AGAP5: variants seen among roughly 807,000 people sequenced by gnomAD.
AGAP5 encodes the protein ArfGAP with GTPase domain, ankyrin repeat and PH domain 5.
A neutral mutation model predicts 27.7 loss-of-function variants in AGAP5; 8 were observed. The observed-to-expected ratio is 0.29, with a 90% CI of 0.17 to 0.52. AGAP5 has a LOEUF of 0.52. Among genes scored for constraint, AGAP5 ranks in the 20% least tolerant of loss-of-function variants. The pLI, the probability that AGAP5 is intolerant of heterozygous loss-of-function variation, is 0.97. For missense variants in AGAP5, 285 were observed against 880.8 expected (o/e 0.32, Z 8.56); for synonymous variants, 111 against 338.0 (o/e 0.33, Z 7.37).
In AGAP5 at chr10:73,697,818, A is replaced by G. The variant is rs1488785680; in HGVS notation, c.-63T>C. The G allele has an allele frequency of 5.7e-5, 90 of 1,590,776 alleles. 1 individual carries two copies. Among genetic ancestry groups the G allele is most frequent in the South Asian group, 2.7e-4 (24 of 90,396 alleles). ...CTCACAGCTTTGGCCACACACTCCC[A>G]CTGTCCTAGGCCGAGGCTATGCTGC... On this transcript the variant is annotated 5_prime_UTR_variant, in exon 1 of 8. Transcript: ENST00000374094.
At chr10:73,689,049 C>T (rs2082089086) in intron 4 of AGAP5, among the ~76,000 whole-genome samples, 1 of 152,216 alleles carries the variant, frequency 6.6e-6, no homozygotes, top group Non-Finnish European at 1.5e-5. Context: ...CGAAGCTGGA[C>T]CGTACTGCTG....
In AGAP5 at chr10:73,690,451, A is replaced by T. The variant is rs560790399; in HGVS notation, c.396+1592T>A. Reference sequence around the variant, plus strand: ...TCATCACCACTCCCTAATCTGAAGTACCCAGGGACACAAACACTGCGGAAG... The same window carrying T: ...TCATCACCACTCCCTAATCTGAAGTTCCCAGGGACACAAACACTGCGGAAG... On this transcript the variant is annotated intron_variant, in intron 4 of 7. Coordinates refer to ENST00000374094, the MANE Select transcript of AGAP5 (RefSeq NM_001144000.4). Among the ~76,000 whole-genome samples, 4 of 152,190 alleles carry T rather than the reference A, an allele frequency of 2.6e-5. No homozygotes were observed. The South Asian group carries it at 8.3e-4, about 32-fold the overall frequency.
rs1177465929 is a variant in AGAP5, at chr10:73,698,006, G to C, written c.-251C>G. 4.1e-6 allele frequency: 6 copies of C among 1,452,960 alleles called. No homozygotes were observed. The Admixed American group carries it at 7.5e-5, about 18-fold the overall frequency. 90.0% of individuals were successfully genotyped at this position (1,452,960 alleles called of 1,614,324 possible). A position where few individuals can be genotyped will look rare whatever the true frequency, so the allele number is the denominator to read the frequency against. On this transcript the variant is annotated 5_prime_UTR_variant, in exon 1 of 8. Coordinates refer to ENST00000374094, the MANE Select transcript of AGAP5 (RefSeq NM_001144000.4). ...TGTCTGGGAGGGTGAAGACCAGCTG[G>C]CTTATTTAATAGGTTGTGAACCCAA...
intron 4 of AGAP5, among the ~76,000 whole-genome samples, chr10:73,690,042 G>C: frequency 6.6e-6 from 1 of 151,952 alleles, no homozygotes; most frequent in South Asian, 2.1e-4. Context: ...GGGCCCCTCT[G>C]CCTGGCCGCC....
At position 73,690,103 on chromosome 10, in the gene AGAP5, G is replaced by A. The variant is rs575731415; in HGVS notation, c.396+1940C>T. Among the ~76,000 whole-genome samples, 11 of 152,370 alleles carry A rather than the reference G, an allele frequency of 7.2e-5. No homozygotes were observed. The South Asian group carries it at 1.9e-3, about 26-fold the overall frequency. On this transcript the variant is annotated intron_variant, in intron 4 of 7. Coordinates refer to ENST00000374094, the MANE Select transcript of AGAP5 (RefSeq NM_001144000.4). ...TTCCCGGCCACCACCCCGTCTGGGA[G>A]GTGTACCCATCAGCTCATTGAGAAC...
At chr10:73,678,139 C>T (rs1223676254) in intron 6 of AGAP5, among the ~76,000 whole-genome samples, 1 of 152,010 alleles carries the variant, frequency 6.6e-6, no homozygotes, top group Non-Finnish European at 1.5e-5. Context: ...TGTAAAATCC[C>T]AGCACTTTGA....
chr10:73,697,317 T>C (rs936559239), intron 1 of AGAP5, among the ~76,000 whole-genome samples, 154 bp from the exon 2 acceptor site: 2 of 151,636 alleles, frequency 1.3e-5, no homozygotes, highest in Non-Finnish European at 2.9e-5. Context: ...AACTGGGCGA[T>C]TGGGAGGGGA....
intron 2 of AGAP5, 126 bp downstream of exon 2, chr10:73,696,969 A>C: frequency 7.0e-7 from 1 of 1,431,096 alleles, no homozygotes; most frequent in African/African-American, 1.4e-5. Flanking sequence ...ACAAAGAAAA[A>C]ATAAGATGGG....
chr10:73,691,441 GCTATT>G (rs2082117988), intron 4 of AGAP5, among the ~76,000 whole-genome samples: 1 of 151,734 alleles, frequency 6.6e-6, no homozygotes, highest in Non-Finnish European at 1.5e-5. Flanking sequence ...AATTAACTTA[GCTATT>G]CTATTTTTGT....
rs776611209 is a variant in AGAP5, at chr10:73,697,112, C to A, written c.275G>T (p.Arg92Met). The change falls in exon 2 of 8, where the codon AGG (arginine) becomes ATG (methionine). Residue 92 changes from arginine to methionine, a missense_variant. Physicochemically the swap from Arg to Met is moderately conservative, Grantham distance 91 (BLOSUM62 -1). Transcript: ENST00000374094. ...ANPEASTIFQ[R>M]NSQTDALEFN... ...TGTCTCACCATCTGTTTGAGAGTTC[C>A]TCTGGAATATTGTGCTTGCCTCTGG... The A allele has an allele frequency of 2.3e-5, 37 of 1,597,850 alleles. No individual in the cohort carries two copies. The highest frequency in any genetic ancestry group is 1.6e-5 in the Non-Finnish European group (19 of 1,179,718).
intron 4 of AGAP5, among the ~76,000 whole-genome samples, chr10:73,689,596 C>A (rs1444735233): frequency 6.6e-6 from 1 of 151,118 alleles, no homozygotes; most frequent in Non-Finnish European, 1.5e-5. Context: ...AGTCTCTGCC[C>A]GGCCACCCAT....
At chr10:73,688,367 A>G (rs577951119) in intron 4 of AGAP5, among the ~76,000 whole-genome samples, 14 of 152,288 alleles carry the variant, frequency 9.2e-5, no homozygotes, top group Admixed American at 2.6e-4. Flanking sequence ...AAGGCCTCAC[A>G]CTGAGTGCTA....
Position 73,698,045 on chromosome 10 carries a change from A to G in AGAP5, c.-290T>C, listed in dbSNP as rs1325053825. 1 of 1,389,232 alleles carries G rather than the reference A, an allele frequency of 7.2e-7. No homozygotes were observed. The highest frequency in any genetic ancestry group is 1.5e-5 in the South Asian group (1 of 67,082). The allele number at this position is 1,389,232 out of a possible 1,614,324, so 86.1% of individuals were successfully genotyped here. ...TTGTGAACCCAACAAGCGCTGAGAGACACAACAACTGCCTGAAGAGAGAAC... is the reference window on the plus strand; with the variant it reads ...TTGTGAACCCAACAAGCGCTGAGAGGCACAACAACTGCCTGAAGAGAGAAC... On this transcript the variant is annotated 5_prime_UTR_variant, in exon 1 of 8. Transcript: ENST00000374094.
Position 73,685,311 on chromosome 10 carries a change from T to C in AGAP5, c.397-2517A>G, listed in dbSNP as rs1021514872. Among the ~76,000 whole-genome samples, 7 of 145,222 alleles carry C rather than the reference T, an allele frequency of 4.8e-5. 1 individual carries two copies. In the Admixed American group the frequency reaches 4.9e-4, roughly 10 times the overall value. On this transcript the variant is annotated intron_variant, in intron 4 of 7. Transcript: ENST00000374094. ...CCCCCTTTCAGTATTATGTTGGTTG[T>C]GGGTTTGTCATAGATGGCTTTTATT...
intron 4 of AGAP5, among the ~76,000 whole-genome samples, chr10:73,689,270 G>C (rs1490806046): frequency 1.3e-5 from 2 of 152,248 alleles, no homozygotes; most frequent in Non-Finnish European, 2.9e-5. Context: ...ATTGCAGACG[G>C]AGTCTCGTTC....
chr10:73,696,645 C>CA (rs2082164324), intron 2 of AGAP5, among the ~76,000 whole-genome samples: 1 of 152,212 alleles, frequency 6.6e-6, no homozygotes, highest in Admixed American at 6.5e-5. Context: ...ACCCCAAACA[C>CA]ACACACACAA....
intron 3 of AGAP5, among the ~76,000 whole-genome samples, chr10:73,693,500 C>G (rs926647261): frequency 2.6e-5 from 1 of 38,850 alleles, no homozygotes; most frequent in East Asian, 7.4e-4. Flanking sequence ...GAGTTTCAGA[C>G]CAGCCTGGCC....
chr10:73,696,322 C>T (rs1309237870), intron 2 of AGAP5, among the ~76,000 whole-genome samples: 1 of 152,132 alleles, frequency 6.6e-6, no homozygotes, highest in Non-Finnish European at 1.5e-5. Flanking sequence ...CCAGCCAAAA[C>T]TGTAACTTTC....
intron 6 of AGAP5, among the ~76,000 whole-genome samples, chr10:73,677,624 G>A (rs1412311416): frequency 4.0e-5 from 6 of 151,820 alleles, no homozygotes; most frequent in African/African-American, 1.5e-4. Flanking sequence ...AACCTCAGGC[G>A]ATCCACTTGC....
Sources: gnomAD v4.1 joint callset for allele counts (sites outside exome capture counted in the v4.1 genomes callset) on GRCh38, gnomAD v4.1.1 for gene constraint, MANE v1.5 for transcripts, NCBI Gene and HGNC (gene_info 2026-07-23, HGNC 2026-07-21) for gene names.